Variants in DCAF8 observed in about 807,000 individuals in gnomAD.
The protein encoded by DCAF8 is DDB1 and CUL4 associated factor 8.
Under a neutral mutation model 68.0 loss-of-function variants are expected in DCAF8, and 20 were observed. That is an observed-to-expected ratio of 0.29 (90% confidence interval 0.21 to 0.43). The LOEUF (loss-of-function observed/expected upper bound fraction) is 0.43, where lower values mean the gene tolerates loss of function less well. Ranked by LOEUF, DCAF8 falls within the 20% of genes least tolerant of loss-of-function variation. DCAF8 has a pLI of 1.00. For missense variants in DCAF8, 460 were observed against 771.0 expected (o/e 0.60, Z 4.78); for synonymous variants, 230 against 276.9 (o/e 0.83, Z 1.68).
intron 6 of DCAF8, among the ~76,000 whole-genome samples, chr1:160,233,816 G>A (rs1380466217): frequency 6.6e-6 from 1 of 152,082 alleles, no homozygotes; most frequent in African/African-American, 2.4e-5. Context: ...CCCTCCTGAT[G>A]GGTAAATGCA....
chr1:160,239,281 G>A (rs1458759087), intron 4 of DCAF8: 2 of 1,090,762 alleles, frequency 1.8e-6, no homozygotes, highest in Non-Finnish European at 2.3e-6. Context: ...AGCTTCTATT[G>A]TTACTTAATC....
At chr1:160,224,971 G>T in intron 9 of DCAF8, 91 bp downstream of exon 9, 2 of 1,217,074 alleles carry the variant, frequency 1.6e-6, no homozygotes, top group Non-Finnish European at 2.4e-6. Flanking sequence ...TAGCACAGTG[G>T]TGAGCACTGG....
Position 160,217,674 on chromosome 1 carries a change from G to A in DCAF8, c.1712C>T (p.Ala571Val), listed in dbSNP as rs777706494. The A allele has an allele frequency of 6.2e-6, 10 of 1,614,008 alleles. No individual in the cohort carries two copies. Among genetic ancestry groups the A allele is most frequent in the East Asian group, 2.2e-5 (1 of 44,890 alleles). ...GGAGCTGGGAGACTCATCAGAGTCC[G>A]CGTCTGTGGCCCCAACCCCAGGTTC... ...WREPGVGATD[A>V]DSDESPSSSD... Residue 571 changes from alanine to valine, a missense_variant, in exon 14 of 14, where the codon GCG (alanine) becomes GTG (valine). Physicochemically the swap from Ala to Val is moderately conservative, Grantham distance 64 (BLOSUM62 0). Around this residue, in one of 8 missense-constraint regions of DCAF8, gnomAD observed 80 missense variants for 115.1 expected, o/e 0.70. Transcript: ENST00000368074.
rs1365270165 is a variant in DCAF8, at chr1:160,261,353, G to A, written c.-95C>T. On this transcript the variant is annotated 5_prime_UTR_variant, in exon 2 of 14. Transcript: ENST00000368074. ...GAGAAAATAGGTCTGTAGATTCACT[G>A]AAGGACTGAGAAAAGTTAAAATTTA... is the stretch of plus-strand genomic sequence containing the variant. 2 of 152,200 alleles carry A rather than the reference G, an allele frequency of 1.3e-5. No individual in the cohort carries two copies. Among genetic ancestry groups the A allele is most frequent in the Non-Finnish European group, 2.9e-5 (2 of 68,036 alleles). 9.4% of individuals were successfully genotyped at this position (152,200 alleles called of 1,614,324 possible). A position where few individuals can be genotyped will look rare whatever the true frequency, so the allele number is the denominator to read the frequency against.
chr1:160,228,447 C>T (rs1002742138), intron 7 of DCAF8, among the ~76,000 whole-genome samples: 5 of 152,142 alleles, frequency 3.3e-5, no homozygotes, highest in Non-Finnish European at 7.3e-5. Context: ...ATACTTAATC[C>T]TTTAGCAATA....
chr1:160,219,586 C>T (rs771567510), intron 11 of DCAF8: 2 of 152,384 alleles, frequency 1.3e-5, no homozygotes, highest in African/African-American at 4.8e-5. Flanking sequence ...ACTACTTGCC[C>T]TGAGCACAAC....
chr1:160,246,807 GA>G (rs1452161146), intron 2 of DCAF8, among the ~76,000 whole-genome samples: 1 of 152,034 alleles, frequency 6.6e-6, no homozygotes, highest in East Asian at 1.9e-4. Flanking sequence ...CTACAGAAAA[GA>G]AAAAAATCAG....
chr1:160,225,169 T>C (rs759840395), intron 8 of DCAF8, 50 bp from the exon 9 acceptor site: 3 of 1,556,450 alleles, frequency 1.9e-6, no homozygotes, highest in South Asian at 2.3e-5. Context: ...CCATTTGTTA[T>C]ACCATCTTCA....
rs377306445 is a variant in DCAF8 at position 160,240,077 on chromosome 1, G to A, written c.343C>T (p.Arg115Trp). ...GCCCGCTTGCGCTGTACACGGCGCC[G>A]AGGCTGCTCTTCTTCCTCCTCTTCT... is the stretch of plus-strand genomic sequence containing the variant. Reference protein sequence around the residue: ...EEEEEEEEQPRRRVQRKRANR... With the variant: ...EEEEEEEEQPWRRVQRKRANR... Residue 115 changes from arginine to tryptophan, a missense_variant, in exon 4 of 14, where the codon CGG (arginine) becomes TGG (tryptophan). Physicochemically the swap from Arg to Trp is moderately radical, Grantham distance 101. Around this residue, in one of 8 missense-constraint regions of DCAF8, gnomAD observed 156 missense variants for 181.4 expected, o/e 0.86. Coordinates refer to ENST00000368074, the MANE Select transcript of DCAF8 (RefSeq NM_015726.4). The A allele has an allele frequency of 1.2e-4, 187 of 1,614,170 alleles. 1 individual carries two copies. The Middle Eastern group carries it at 1.5e-3, about 13-fold the overall frequency.
chr1:160,226,945 A>G (rs1309661696), intron 7 of DCAF8, among the ~76,000 whole-genome samples: 3 of 152,222 alleles, frequency 2.0e-5, no homozygotes, highest in African/African-American at 7.2e-5. Context: ...GGTGGTAGTT[A>G]AAGCATTGGT....
chr1:160,223,437 C>A (rs578235665), intron 10 of DCAF8, among the ~76,000 whole-genome samples: 1 of 152,178 alleles, frequency 6.6e-6, no homozygotes, highest in African/African-American at 2.4e-5. Context: ...ACTGCTATCT[C>A]CAAGACAAAA....
rs1655133264 is a variant in DCAF8, at chr1:160,216,786, C to CT, written c.*805dup. ...TATTTATAGATATAAAATTAGGCCT[C>CT]TAACAGTGATAGGGACAGGGAGATT... is the stretch of plus-strand genomic sequence containing the variant. On this transcript the variant is annotated 3_prime_UTR_variant, in exon 14 of 14. Coordinates refer to ENST00000368074, the MANE Select transcript of DCAF8 (RefSeq NM_015726.4). 1 of 152,578 alleles carries CT rather than the reference C, an allele frequency of 6.6e-6. No individual in the cohort carries two copies. The highest frequency in any genetic ancestry group is 1.5e-5 in the Non-Finnish European group (1 of 68,042). 9.5% of individuals were successfully genotyped at this position (152,578 alleles called of 1,614,324 possible).
intron 2 of DCAF8, among the ~76,000 whole-genome samples, chr1:160,255,954 A>G (rs1293679185): frequency 6.7e-6 from 1 of 148,248 alleles, no homozygotes; most frequent in Non-Finnish European, 1.5e-5. Context: ...ATTTCAGACT[A>G]TGTCAGGAAT....
chr1:160,238,954 G>A, intron 4 of DCAF8: 3 of 644,824 alleles, frequency 4.7e-6, no homozygotes, highest in Non-Finnish European at 4.8e-6. Context: ...TTTGATGTAA[G>A]AGAGCATTTC....
intron 6 of DCAF8, among the ~76,000 whole-genome samples, chr1:160,236,313 CGTGT>C (rs535550586): frequency 1.3e-5 from 2 of 149,728 alleles, no homozygotes; most frequent in African/African-American, 2.5e-5. Flanking sequence ...TACATATATA[CGTGT>C]GTGTATATAA....
chr1:160,253,829 AAAAC>A (rs1036920633), intron 2 of DCAF8, among the ~76,000 whole-genome samples: 1 of 151,892 alleles, frequency 6.6e-6, no homozygotes, highest in Non-Finnish European at 1.5e-5. Flanking sequence ...CTGTCTCAGA[AAAAC>A]AAACAAAAAA....
chr1:160,218,737 TAGAGC>T, intron 12 of DCAF8, 107 bp downstream of exon 12: 1 of 1,487,324 alleles, frequency 6.7e-7, no homozygotes, highest in Admixed American at 1.8e-5. Context: ...GGGAGGGTGT[TAGAGC>T]AGTGCCTTTA....
intron 11 of DCAF8, chr1:160,219,312 C>A: frequency 5.2e-6 from 1 of 193,930 alleles, no homozygotes; most frequent in Non-Finnish European, 1.0e-5. Flanking sequence ...CTCCAGATTC[C>A]AAAGCTCCAA....
chr1:160,242,136 T>C lies in DCAF8; in HGVS notation c.50-1766A>G, dbSNP rs111582764. 2.2e-4 allele frequency among the ~76,000 whole-genome samples: 33 copies of C among 152,034 alleles called. 2 individuals are homozygous for C. The highest frequency in any genetic ancestry group is 7.0e-4 in the African/African-American group (29 of 41,466). Reference sequence around the variant, plus strand: ...GGCATGTGCCTGTAATCCCAGCTACTTGGGAGGCTGAGGCAGAAGAATCGC... The same window carrying C: ...GGCATGTGCCTGTAATCCCAGCTACCTGGGAGGCTGAGGCAGAAGAATCGC... On this transcript the variant is annotated intron_variant, in intron 3 of 13. Coordinates refer to ENST00000368074, the MANE Select transcript of DCAF8 (RefSeq NM_015726.4).
Sources: allele counts gnomAD v4.1 joint callset (sites outside exome capture counted in the v4.1 genomes callset), GRCh38; gene constraint gnomAD v4.1.1; regional missense constraint gnomAD v4.1.1; transcripts MANE v1.5; gene names NCBI Gene and HGNC (gene_info 2026-07-23, HGNC 2026-07-21).